The following SCD5 variants were observed in gnomAD, a reference collection of about 807,000 sequenced individuals.
SCD5 encodes the protein stearoyl-CoA desaturase 5, also known as acyl-CoA-desaturase 4.
Under a neutral mutation model 30.4 loss-of-function variants are expected in SCD5, and 20 were observed. The ratio of observed to expected loss-of-function variants is 0.66; its 90% CI spans 0.46 to 0.96. SCD5 has a LOEUF of 0.96. Ranked by LOEUF, SCD5 falls within the 40% of genes least tolerant of loss-of-function variation. The pLI is 0.00. For synonymous variants in SCD5, 173 were observed against 176.4 expected (o/e 0.98, Z 0.16); for missense variants, 381 against 443.3 (o/e 0.86, Z 1.26).
At chr4:82,655,979 G>A (rs1454649038) in intron 3 of SCD5, among the ~76,000 whole-genome samples, 1 of 152,140 alleles carries the variant, frequency 6.6e-6, no homozygotes, top group Non-Finnish European at 1.5e-5. Context: ...TGGTCAGTGG[G>A]TGGCAAATGA....
At chr4:82,707,237 G>A (rs1719989131) in intron 1 of SCD5, among the ~76,000 whole-genome samples, 1 of 152,152 alleles carries the variant, frequency 6.6e-6, no homozygotes. Flanking sequence ...CACAGAGAAA[G>A]GTGCTAAATC....
At chr4:82,700,451 G>A (rs1241133406) in intron 2 of SCD5, among the ~76,000 whole-genome samples, 1 of 151,854 alleles carries the variant, frequency 6.6e-6, no homozygotes, top group Admixed American at 6.6e-5. Context: ...ATCCAGAGTG[G>A]AAAAAATCCC....
At chr4:82,721,571 T>C (rs59205864) in intron 1 of SCD5, among the ~76,000 whole-genome samples, 3,014 of 152,238 alleles carry the variant, frequency 0.02, 49 homozygotes, top group African/African-American at 0.046. Context: ...TCCAGTGTGA[T>C]TGATGTCCTC....
At chr4:82,726,619 C>G (rs1720477349) in intron 1 of SCD5, among the ~76,000 whole-genome samples, 1 of 150,830 alleles carries the variant, frequency 6.6e-6, no homozygotes, top group Admixed American at 6.6e-5. Flanking sequence ...CAATCTAGAA[C>G]ACACACAAAT....
intron 1 of SCD5, among the ~76,000 whole-genome samples, chr4:82,727,324 T>C (rs979154686): frequency 7.2e-5 from 11 of 152,218 alleles, no homozygotes; most frequent in Non-Finnish European, 1.6e-4. Flanking sequence ...TAAGAGTATG[T>C]ATGCTCCTTA....
chr4:82,755,292 G>A (rs185135726), intron 1 of SCD5, among the ~76,000 whole-genome samples: 2 of 152,202 alleles, frequency 1.3e-5, no homozygotes, highest in African/African-American at 4.8e-5. Flanking sequence ...CTGAGGCCAG[G>A]AGTTTGAGAC....
chr4:82,711,541 C>G (rs777417395), intron 1 of SCD5, among the ~76,000 whole-genome samples: 28 of 152,166 alleles, frequency 1.8e-4, no homozygotes, highest in Non-Finnish European at 2.6e-4. Flanking sequence ...AGGCAAAACA[C>G]TGTATCTACA....
chr4:82,773,392 C>T (rs1721671916), intron 1 of SCD5, among the ~76,000 whole-genome samples: 1 of 152,176 alleles, frequency 6.6e-6, no homozygotes, highest in Non-Finnish European at 1.5e-5. Context: ...CTCCTAGATG[C>T]AGGGACAGGC....
At chr4:82,717,682 A>C (rs564613687) in intron 1 of SCD5, among the ~76,000 whole-genome samples, 2 of 151,078 alleles carry the variant, frequency 1.3e-5, no homozygotes, top group Non-Finnish European at 2.9e-5. Context: ...TTCGGAGGCC[A>C]AGGCAGGCAG....
intron 2 of SCD5, among the ~76,000 whole-genome samples, chr4:82,682,881 T>C (rs1481340580): frequency 1.3e-5 from 2 of 152,150 alleles, no homozygotes; most frequent in African/African-American, 4.8e-5. Flanking sequence ...AGTGGTGTGA[T>C]CTTCGGTCCC....
At chr4:82,661,931 G>A (rs1728018311) in intron 3 of SCD5, among the ~76,000 whole-genome samples, 1 of 152,156 alleles carries the variant, frequency 6.6e-6, no homozygotes, top group African/African-American at 2.4e-5. Flanking sequence ...GAGGTGGCAG[G>A]GTTCTGGACA....
chr4:82,656,687 C>A (rs1053254078), intron 3 of SCD5, among the ~76,000 whole-genome samples: 6 of 152,176 alleles, frequency 3.9e-5, no homozygotes, highest in Admixed American at 6.5e-5. Context: ...CTGTCTTCCA[C>A]AATGGTTGAA....
At chr4:82,654,637 C>G (rs184373382) in intron 3 of SCD5, among the ~76,000 whole-genome samples, 1 of 152,268 alleles carries the variant, frequency 6.6e-6, no homozygotes, top group East Asian at 1.9e-4. Context: ...ATCAGGACCC[C>G]TTGCCTCTGG....
chr4:82,769,301 A>G (rs1228194057), intron 1 of SCD5, among the ~76,000 whole-genome samples: 2 of 152,212 alleles, frequency 1.3e-5, no homozygotes, highest in African/African-American at 4.8e-5. Flanking sequence ...CCCTCCAGCT[A>G]TAATACTCTG....
chr4:82,680,998 A>G, intron 2 of SCD5, 86 bp from the exon 3 acceptor site: 1 of 1,025,512 alleles, frequency 9.8e-7, no homozygotes, highest in Non-Finnish European at 1.5e-6. Context: ...CCCCTCCCCC[A>G]CCAGTCCTCA....
At chr4:82,660,876 T>C (rs1560526769) in intron 3 of SCD5, 1 of 1,614,050 alleles carries the variant, frequency 6.2e-7, no homozygotes, top group East Asian at 2.2e-5. Context: ...CTTCTGACCT[T>C]CAGAATACCT....
chr4:82,753,462 C>T (rs777842598), intron 1 of SCD5: 30 of 498,602 alleles, frequency 6.0e-5, no homozygotes, highest in Admixed American at 1.9e-4. Context: ...CCCAGAGTCA[C>T]GCGGGTGGAC....
At chr4:82,749,407 A>G (rs909109455) in intron 1 of SCD5, among the ~76,000 whole-genome samples, 1 of 152,232 alleles carries the variant, frequency 6.6e-6, no homozygotes, top group Non-Finnish European at 1.5e-5. Context: ...AGGAAAATAC[A>G]GGCCAGCTAG....
At chr4:82,784,968 A>C (rs1006487991) in intron 1 of SCD5, among the ~76,000 whole-genome samples, 1 of 152,232 alleles carries the variant, frequency 6.6e-6, no homozygotes, top group Non-Finnish European at 1.5e-5. Flanking sequence ...AACAACTAGT[A>C]GAGCCACAGT....
Sources: allele counts gnomAD v4.1 joint callset (sites outside exome capture counted in the v4.1 genomes callset), GRCh38; gene constraint gnomAD v4.1.1; transcripts MANE v1.5; gene names NCBI Gene and HGNC (gene_info 2026-07-23, HGNC 2026-07-21).